The following AKNAD1 variants were observed in gnomAD, a reference collection of about 807,000 sequenced individuals.
The protein encoded by AKNAD1 is AKNA domain containing 1.
Under a neutral mutation model 90.8 loss-of-function variants are expected in AKNAD1, and 67 were observed. The ratio of observed to expected loss-of-function variants is 0.74; its 90% CI spans 0.61 to 0.90. AKNAD1 has a LOEUF of 0.90. Among genes scored for constraint, AKNAD1 ranks in the 40% least tolerant of loss-of-function variants. The probability of loss-of-function intolerance (pLI) is 0.00; values close to 1 mark genes in which losing one functional copy is unlikely to be tolerated. For synonymous variants in AKNAD1, 327 were observed against 341.4 expected, an observed-to-expected ratio of 0.96 and a Z score of 0.46; for missense variants, 957 against 975.4, an observed-to-expected ratio of 0.98 and a Z score of 0.25.
At position 108,817,360 on chromosome 1, in the gene AKNAD1, G is replaced by T; in HGVS notation, c.2250-183C>A. ...GACCGCAGCTGGGCTTCAGAAAATG[G>T]TTGTTGCCATGACCATGCGGGTGTT... On this transcript the variant is annotated intron_variant, in intron 14 of 15. Transcript: ENST00000370001. 8.2e-6 allele frequency: 5 copies of T among 609,946 alleles called. No individual in the cohort carries two copies. In the South Asian group the frequency reaches 8.9e-5, roughly 11 times the overall value. 37.8% of individuals were successfully genotyped at this position (609,946 alleles called of 1,614,324 possible).
Position 108,851,733 on chromosome 1 carries a change from C to T in AKNAD1, c.932G>A (p.Cys311Tyr). ...DSLETTPESN[C>Y]VEKQHQEQKG... ...CTGCTCTTGATGTTGTTTTTCAACA[C>T]AGTTTGACTCAGGCGTGGTTTCTAG... The change falls in exon 2 of 16, where the codon TGT becomes TAT. Residue 311 changes from cysteine (C) to tyrosine (Y), a missense_variant. Physicochemically the swap from Cys to Tyr is radical, Grantham distance 194. Coordinates refer to ENST00000370001, the MANE Select transcript of AKNAD1 (RefSeq NM_152763.5). The T allele has an allele frequency of 6.2e-7, 1 of 1,605,326 alleles. No homozygotes were observed. Among genetic ancestry groups the T allele is most frequent in the Non-Finnish European group, 8.5e-7 (1 of 1,177,760 alleles).
At chr1:108,851,521 G>A (rs17029998) in intron 2 of AKNAD1, 151 bp downstream of exon 2, 24 of 626,212 alleles carry the variant, frequency 3.8e-5, no homozygotes, top group Admixed American at 1.1e-4. Flanking sequence ...ACTGAGAGTC[G>A]GAGTGGCCAC....
At chr1:108,840,410 C>T (rs1664516734) in intron 6 of AKNAD1, among the ~76,000 whole-genome samples, 1 of 152,078 alleles carries the variant, frequency 6.6e-6, no homozygotes, top group Non-Finnish European at 1.5e-5. Flanking sequence ...ATGAAGAAAA[C>T]GTGATGGGAA....
At chr1:108,831,672 C>A (rs140760124) in intron 9 of AKNAD1, among the ~76,000 whole-genome samples, 1,652 of 145,226 alleles carry the variant, frequency 0.011, 28 homozygotes, top group African/African-American at 0.04. Context: ...GAGACGGAGT[C>A]TCACTCTGTT....
chr1:108,830,870 G>A lies in AKNAD1; in HGVS notation c.1747-220C>T, dbSNP rs7518736. On this transcript the variant is annotated intron_variant, in intron 9 of 15. Coordinates refer to ENST00000370001, the MANE Select transcript of AKNAD1 (RefSeq NM_152763.5). ...TTAGTTCTGATGTGTCACTCAGTCG[G>A]GGCTGCGCCTCTAATGGCCTGGGCT... 5.0e-3 allele frequency: 2,950 copies of A among 591,720 alleles called. 62 individuals are homozygous for A. Among genetic ancestry groups the A allele is most frequent in the African/African-American group, 0.047 (2,549 of 53,724 alleles). 36.7% of individuals were successfully genotyped at this position (591,720 alleles called of 1,614,324 possible).
chr1:108,852,924 A>G (rs924352525), intron 1 of AKNAD1, among the ~76,000 whole-genome samples, 157 bp from the exon 2 acceptor site: 19 of 152,112 alleles, frequency 1.2e-4, no homozygotes, highest in Non-Finnish European at 1.9e-4. Flanking sequence ...AATCCACACT[A>G]TGTTAACACA....
intron 9 of AKNAD1, among the ~76,000 whole-genome samples, chr1:108,832,050 A>G (rs1664215746): frequency 6.6e-6 from 1 of 152,020 alleles, no homozygotes; most frequent in Non-Finnish European, 1.5e-5. Context: ...TGCTTCCCTT[A>G]TAGTCTCCTT....
At chr1:108,830,807 C>T (rs1664174421) in intron 9 of AKNAD1, 157 bp from the exon 10 acceptor site, 3 of 665,684 alleles carry the variant, frequency 4.5e-6, no homozygotes, top group Admixed American at 4.7e-5. Context: ...GAAAGGGAGG[C>T]GCAGGGGGAC....
chr1:108,821,272 G>A (rs1379312496), intron 13 of AKNAD1, among the ~76,000 whole-genome samples: 2 of 152,102 alleles, frequency 1.3e-5, no homozygotes, highest in African/African-American at 4.8e-5. Context: ...TCAACATGGT[G>A]AAACCCTGTC....
intron 9 of AKNAD1, among the ~76,000 whole-genome samples, chr1:108,834,079 T>C (rs1664295671): frequency 6.6e-6 from 1 of 152,182 alleles, no homozygotes; most frequent in African/African-American, 2.4e-5. Context: ...GAATTTAAAA[T>C]GTGGTCCGCA....
intron 13 of AKNAD1, among the ~76,000 whole-genome samples, chr1:108,820,933 A>T (rs1018684990): frequency 6.6e-6 from 1 of 151,962 alleles, no homozygotes; most frequent in African/African-American, 2.4e-5. Context: ...ATTTTTTGTT[A>T]ACTTAGCTGG....
Position 108,834,429 on chromosome 1 carries a change from C to A in AKNAD1, c.1746+18G>T. 1 of 1,595,308 alleles carries A rather than the reference C, an allele frequency of 6.3e-7. No individual in the cohort carries two copies. ...ACAATGAGAAGAACCCAGCCAGGCC[C>A]CGGCTGCAGGACATTACCCCAGAGT... On this transcript the variant is annotated intron_variant, in intron 9 of 15. Transcript: ENST00000370001.
chr1:108,848,477 C>G (rs2101211641), intron 5 of AKNAD1, among the ~76,000 whole-genome samples: 1 of 152,276 alleles, frequency 6.6e-6, no homozygotes, highest in African/African-American at 2.4e-5. Context: ...ATGGGTTCTT[C>G]TCTTGAACCT....
At chr1:108,829,319 T>C (rs1192406364) in intron 10 of AKNAD1, among the ~76,000 whole-genome samples, 1 of 146,640 alleles carries the variant, frequency 6.8e-6, no homozygotes, top group Admixed American at 7.1e-5. Context: ...GTCCCTGTCT[T>C]GGTACTTAAT....
At chr1:108,816,336 T>C (rs6696787) in intron 15 of AKNAD1, 34 bp from the exon 16 acceptor site, 384,254 of 1,588,942 alleles carry the variant, frequency 0.24, 49,011 homozygotes, top group Non-Finnish European at 0.26. Context: ...TTTAATTACA[T>C]AAACTAACTG....
rs1330785444 is a variant in AKNAD1, at chr1:108,823,548, G to A, written c.2059+18C>T. The A allele has an allele frequency of 4.3e-6, 7 of 1,612,914 alleles. No individual in the cohort carries two copies. Among genetic ancestry groups the A allele is most frequent in the Non-Finnish European group, 5.9e-6 (7 of 1,179,034 alleles). ...GACTGTCCCCACTCGCCTTTCTGAG[G>A]CCCCAGGTGAGTGTTACCTTTAGTT... is the stretch of plus-strand genomic sequence containing the variant. On this transcript the variant is annotated intron_variant, in intron 12 of 15. Coordinates refer to ENST00000370001, the MANE Select transcript of AKNAD1 (RefSeq NM_152763.5).
Position 108,819,092 on chromosome 1 carries a change from T to C in AKNAD1, c.2249+1453A>G, listed in dbSNP as rs536791244. On this transcript the variant is annotated intron_variant, in intron 14 of 15. Transcript: ENST00000370001. ...GCAGAGCCTGAATTGTTAGCCACTC[T>C]GCTGCGCTATTGGTTCTGTCTCTTA... 6.5e-4 allele frequency among the ~76,000 whole-genome samples: 99 copies of C among 152,276 alleles called. 1 individual carries two copies. Among genetic ancestry groups the C allele is most frequent in the Admixed American group, 6.3e-3 (97 of 15,298 alleles).
chr1:108,853,865 G>A (rs1664945733), intron 1 of AKNAD1, among the ~76,000 whole-genome samples: 1 of 152,066 alleles, frequency 6.6e-6, no homozygotes, highest in African/African-American at 2.4e-5. Context: ...GAACCTGGGA[G>A]GCAGAGGTTG....
At chr1:108,820,394 T>C (rs1570791240) in intron 14 of AKNAD1, 151 bp downstream of exon 14, 1 of 538,060 alleles carries the variant, frequency 1.9e-6, no homozygotes, top group Non-Finnish European at 3.3e-6. Flanking sequence ...AAATGAATGA[T>C]TGAAGGATTA....
Sources: gnomAD v4.1 joint callset for allele counts (sites outside exome capture counted in the v4.1 genomes callset) on GRCh38, gnomAD v4.1.1 for gene constraint, MANE v1.5 for transcripts, NCBI Gene and HGNC (gene_info 2026-07-23, HGNC 2026-07-21) for gene names.